Variants in EPHA6 observed in about 807,000 individuals in gnomAD.
EPHA6 encodes the protein ephrin type-A receptor 6.
In EPHA6, 50 loss-of-function variants were observed where a neutral mutation model predicts 112.0. The observed-to-expected ratio is 0.45, with a 90% confidence interval of 0.36 to 0.56. EPHA6 has a LOEUF of 0.56. EPHA6 is among the 20% of genes least tolerant of loss of function. The pLI is 0.00. For synonymous variants in EPHA6, 529 were observed against 490.7 expected (o/e 1.08, Z -1.03); for missense variants, 1,280 against 1,417.4 (o/e 0.90, Z 1.56).
chr3:97,006,612 C>T (rs1317131572), intron 3 of EPHA6, among the ~76,000 whole-genome samples: 2 of 151,600 alleles, frequency 1.3e-5, no homozygotes, highest in Non-Finnish European at 2.9e-5. Flanking sequence ...TCTTTCAGTT[C>T]TTCTCTGGTC....
At chr3:97,554,173 C>A (rs988777120) in intron 11 of EPHA6, among the ~76,000 whole-genome samples, 1 of 151,742 alleles carries the variant, frequency 6.6e-6, no homozygotes, top group East Asian at 1.9e-4. Flanking sequence ...TTCTTAACTT[C>A]TATTTGAACA....
At chr3:96,839,316 A>G (rs2034598744) in intron 1 of EPHA6, among the ~76,000 whole-genome samples, 1 of 151,912 alleles carries the variant, frequency 6.6e-6, no homozygotes, top group African/African-American at 2.4e-5. Flanking sequence ...CGTGAACCCT[A>G]TTGTGAACTA....
At chr3:97,127,164 G>A (rs939985863) in intron 3 of EPHA6, among the ~76,000 whole-genome samples, 2 of 152,140 alleles carry the variant, frequency 1.3e-5, no homozygotes, top group African/African-American at 4.8e-5. Flanking sequence ...TATTTTTAAG[G>A]TAGGTTTGCT....
At chr3:97,023,774 G>A (rs2107989862) in intron 3 of EPHA6, among the ~76,000 whole-genome samples, 1 of 151,928 alleles carries the variant, frequency 6.6e-6, no homozygotes, top group East Asian at 1.9e-4. Flanking sequence ...CTGAAGAGTT[G>A]TAAAATTCAA....
chr3:96,914,372 G>T lies in EPHA6; in HGVS notation c.450+47483G>T, dbSNP rs1020147832. 7.9e-5 allele frequency among the ~76,000 whole-genome samples: 12 copies of T among 152,150 alleles called. No individual in the cohort carries two copies. In the East Asian group the frequency reaches 2.1e-3, roughly 27 times the overall value. On this transcript the variant is annotated intron_variant, in intron 2 of 17. Coordinates refer to ENST00000389672, the MANE Select transcript of EPHA6 (RefSeq NM_001080448.3). ...TTTTTAAGTAAAAAATATGATTTTA[G>T]ACAACCGTTAGTAAATATTATCATT...
chr3:97,569,638 T>C (rs1197651070), intron 11 of EPHA6, among the ~76,000 whole-genome samples: 1 of 152,202 alleles, frequency 6.6e-6, no homozygotes, highest in East Asian at 1.9e-4. Flanking sequence ...AATATTGTAA[T>C]TACTATATAC....
intron 1 of EPHA6, among the ~76,000 whole-genome samples, chr3:96,840,953 G>T (rs759115551): frequency 6.6e-6 from 1 of 152,158 alleles, no homozygotes; most frequent in Middle Eastern, 3.4e-3. Context: ...ATATTGTTTT[G>T]TGAACCCCCA....
In EPHA6 at chr3:96,987,326, G is replaced by A. The variant is rs1043031121; in HGVS notation, c.451-4G>A. The A allele has an allele frequency of 6.4e-7, 1 of 1,565,158 alleles. No homozygotes were observed. The highest frequency in any genetic ancestry group is 2.3e-5 in the East Asian group (1 of 43,982). ...CACTTAATTACTTTTTTCCCTTTTT[G>A]CAGTGGGATGCCATCACTGAAATGG... is the stretch of plus-strand genomic sequence containing the variant. On this transcript the variant is annotated splice_polypyrimidine_tract_variant and splice_region_variant and intron_variant, in intron 2 of 17. Transcript: ENST00000389672.
intron 1 of EPHA6, among the ~76,000 whole-genome samples, chr3:96,839,109 A>G (rs2107314357): frequency 6.6e-6 from 1 of 152,298 alleles, no homozygotes; most frequent in South Asian, 2.1e-4. Context: ...ATCCAAAGGT[A>G]AAAGTTTTTT....
intron 14 of EPHA6, among the ~76,000 whole-genome samples, chr3:97,700,101 A>G (rs952959617): frequency 6.6e-6 from 1 of 152,232 alleles, no homozygotes; most frequent in Non-Finnish European, 1.5e-5. Context: ...GTGGACCACA[A>G]AAAGCACAGC....
intron 5 of EPHA6, among the ~76,000 whole-genome samples, chr3:97,258,511 T>G (rs7651035): frequency 0.014 from 2,135 of 152,210 alleles, 45 homozygotes; most frequent in African/African-American, 0.049. Flanking sequence ...TAGGAAAGAT[T>G]ATTGTTTATT....
chr3:97,158,912 G>A (rs1383948340), intron 3 of EPHA6, among the ~76,000 whole-genome samples: 3 of 152,192 alleles, frequency 2.0e-5, no homozygotes, highest in Non-Finnish European at 2.9e-5. Context: ...TATGGGGGAG[G>A]CGTGTAGCTT....
At chr3:97,487,444 A>C (rs1160527299) in intron 10 of EPHA6, among the ~76,000 whole-genome samples, 1 of 152,200 alleles carries the variant, frequency 6.6e-6, no homozygotes, top group African/African-American at 2.4e-5. Flanking sequence ...GCTAATATTT[A>C]CTTGTAAAAG....
intron 11 of EPHA6, among the ~76,000 whole-genome samples, chr3:97,556,101 A>T (rs763890949): frequency 6.6e-6 from 1 of 151,986 alleles, no homozygotes; most frequent in Non-Finnish European, 1.5e-5. Context: ...CACTGAAATT[A>T]TTCAAATTAT....
intron 3 of EPHA6, among the ~76,000 whole-genome samples, chr3:97,190,311 T>C (rs1012420126): frequency 3.3e-5 from 5 of 152,270 alleles, no homozygotes; most frequent in African/African-American, 1.2e-4. Flanking sequence ...CTTTATCTTG[T>C]GGCTGGATTC....
At chr3:97,596,900 A>ATATATATATATATATG in intron 12 of EPHA6, among the ~76,000 whole-genome samples, 1 of 139,118 alleles carries the variant, frequency 7.2e-6, no homozygotes, top group African/African-American at 2.8e-5. Flanking sequence ...ATATATATAT[A>ATATATATATATATATG]TATATGTATG....
chr3:97,173,066 T>A (rs922942087), intron 3 of EPHA6, among the ~76,000 whole-genome samples: 3 of 151,898 alleles, frequency 2.0e-5, no homozygotes, highest in Non-Finnish European at 4.4e-5. Flanking sequence ...TTACCTCCCA[T>A]GCCATATACT....
At chr3:97,446,613 C>T (rs2090354686) in intron 6 of EPHA6, among the ~76,000 whole-genome samples, 1 of 152,102 alleles carries the variant, frequency 6.6e-6, no homozygotes, top group Admixed American at 6.6e-5. Flanking sequence ...CATCATTTCA[C>T]ACTGTGAGAC....
chr3:97,678,990 A>G (rs990065919), intron 14 of EPHA6, among the ~76,000 whole-genome samples: 21 of 152,282 alleles, frequency 1.4e-4, no homozygotes, highest in Non-Finnish European at 2.4e-4. Flanking sequence ...TATTGTGATA[A>G]CTATATGCTT....
Sources: allele counts gnomAD v4.1 joint callset (sites outside exome capture counted in the v4.1 genomes callset), GRCh38; gene constraint gnomAD v4.1.1; transcripts MANE v1.5; gene names NCBI Gene and HGNC (gene_info 2026-07-23, HGNC 2026-07-21).